RASGRP3: variants seen among roughly 807,000 people sequenced by gnomAD.
RASGRP3 encodes the protein ras guanyl-releasing protein 3.
In RASGRP3, 54 loss-of-function variants were observed where a neutral mutation model predicts 82.7. The observed-to-expected ratio is 0.65, with a 90% CI of 0.52 to 0.82. The LOEUF is 0.82. Among genes scored for constraint, RASGRP3 ranks in the 40% least tolerant of loss-of-function variants. RASGRP3 has a pLI of 0.00. For synonymous variants in RASGRP3, 309 were observed against 300.5 expected, an observed-to-expected ratio of 1.03 and a Z score of -0.29; for missense variants, 861 against 828.9, an observed-to-expected ratio of 1.04 and a Z score of -0.48.
chr2:33,466,444 C>T (rs1162978626), intron 2 of RASGRP3, among the ~76,000 whole-genome samples: 2 of 151,922 alleles, frequency 1.3e-5, no homozygotes, highest in Non-Finnish European at 2.9e-5. Flanking sequence ...CTTGGGAGGC[C>T]GAGGCGGACA....
chr2:33,562,875 T>G lies in RASGRP3; in HGVS notation c.*138T>G, dbSNP rs891759202. On this transcript the variant is annotated 3_prime_UTR_variant, in exon 18 of 18. Coordinates refer to ENST00000403687, the MANE Select transcript of RASGRP3 (RefSeq NM_001139488.2). ...TTTACTGCCTTGGGACACTGTGGGA[T>G]CTCCATGTTTGGACTATGGGACAGA... 1.7e-6 allele frequency: 2 copies of G among 1,154,130 alleles called. No homozygotes were observed. Among genetic ancestry groups the G allele is most frequent in the East Asian group, 2.5e-5 (1 of 40,058 alleles). The allele number at this position is 1,154,130 out of a possible 1,614,324, so 71.5% of individuals were successfully genotyped here.
Position 33,549,635 on chromosome 2 carries a change from G to A in RASGRP3, c.1426G>A (p.Ala476Thr), listed in dbSNP as rs1675179811. ...DGLISKDEMM[A>T]YFLRAKSQLH... ...CCTAATTAGTAAAGATGAAATGATG[G>A]CTTACTTCCTGAGAGCTAAATCCCA... The change falls in exon 14 of 18, where the codon GCT becomes ACT. Residue 476 changes from alanine to threonine, a missense_variant. Coordinates refer to ENST00000403687, the MANE Select transcript of RASGRP3 (RefSeq NM_001139488.2). 1 of 1,613,314 alleles carries A rather than the reference G, an allele frequency of 6.2e-7. No homozygotes were observed. Among genetic ancestry groups the A allele is most frequent in the Non-Finnish European group, 8.5e-7 (1 of 1,179,486 alleles).
intron 1 of RASGRP3, among the ~76,000 whole-genome samples, chr2:33,486,327 C>T (rs191685408): frequency 1.7e-4 from 26 of 152,066 alleles, no homozygotes; most frequent in African/African-American, 5.5e-4. Flanking sequence ...CCAAACCCAG[C>T]TAATTTTTGT....
At chr2:33,437,858 T>C (rs559892681) in intron 1 of RASGRP3, among the ~76,000 whole-genome samples, 2 of 152,258 alleles carry the variant, frequency 1.3e-5, no homozygotes, top group East Asian at 3.9e-4. Context: ...ATGAAATTAA[T>C]CTGAATAAAT....
chr2:33,438,001 C>T (rs1202854657), intron 1 of RASGRP3, among the ~76,000 whole-genome samples: 2 of 152,176 alleles, frequency 1.3e-5, no homozygotes, highest in Admixed American at 6.5e-5. Context: ...AATTAATTGC[C>T]ACGCCACATG....
At chr2:33,557,635 G>A (rs113141478) in intron 15 of RASGRP3, among the ~76,000 whole-genome samples, 19,091 of 151,740 alleles carry the variant, frequency 0.13, 1,288 homozygotes, top group African/African-American at 0.17. Context: ...GTGTGAACCC[G>A]GGAGGCGGAG....
intron 6 of RASGRP3, among the ~76,000 whole-genome samples, chr2:33,521,121 T>G (rs914066996): frequency 1.7e-4 from 26 of 152,188 alleles, no homozygotes; most frequent in Non-Finnish European, 3.7e-4. Context: ...AATTGGAATC[T>G]GCACTTTAAA....
chr2:33,521,866 G>A (rs1672066292), intron 6 of RASGRP3, 89 bp from the exon 7 acceptor site: 8 of 1,478,462 alleles, frequency 5.4e-6, no homozygotes, highest in Non-Finnish European at 7.2e-6. Flanking sequence ...CTGGAAGCAA[G>A]CCAAGAGTTG....
chr2:33,551,711 C>T (rs185349209), intron 14 of RASGRP3, among the ~76,000 whole-genome samples: 39 of 152,004 alleles, frequency 2.6e-4, no homozygotes, highest in African/African-American at 9.2e-4. Flanking sequence ...ATAAAAAACT[C>T]GGCCAGGCAC....
chr2:33,455,882 C>T (rs562003997), intron 2 of RASGRP3, among the ~76,000 whole-genome samples: 75 of 152,270 alleles, frequency 4.9e-4, no homozygotes, highest in African/African-American at 1.7e-3. Context: ...CAGAGGTTTG[C>T]CCCACCCTGC....
chr2:33,540,948 T>A lies in RASGRP3; in HGVS notation c.1278+1738T>A, dbSNP rs1178449815. Among the ~76,000 whole-genome samples the A allele has an allele frequency of 4.8e-5, 7 of 146,722 alleles. 1 individual carries two copies. The highest frequency in any genetic ancestry group is 1.1e-4 in the Non-Finnish European group (7 of 65,650). ...GATGGGCTCATTTTAGTCACATTTT[T>A]AATTAATTCATTCATTTATACCTTA... is the stretch of plus-strand genomic sequence containing the variant. On this transcript the variant is annotated intron_variant, in intron 12 of 17. Transcript: ENST00000403687.
At chr2:33,450,580 A>G (rs1272156387) in intron 2 of RASGRP3, among the ~76,000 whole-genome samples, 1 of 151,944 alleles carries the variant, frequency 6.6e-6, no homozygotes, top group Non-Finnish European at 1.5e-5. Flanking sequence ...GCTAAATAGC[A>G]CTCCATTGTA....
At chr2:33,470,006 T>C (rs2887087) in intron 2 of RASGRP3, among the ~76,000 whole-genome samples, 90,183 of 152,036 alleles carry the variant, frequency 0.59, 27,416 homozygotes, top group African/African-American at 0.64. Flanking sequence ...TTGGCACTAG[T>C]ACCAAACTTT....
intron 14 of RASGRP3, among the ~76,000 whole-genome samples, chr2:33,550,979 T>A (rs1366458385): frequency 6.6e-6 from 1 of 152,212 alleles, no homozygotes. Flanking sequence ...TCTTCTTTAG[T>A]ATCTCCACTG....
At chr2:33,444,897 T>C (rs1665423309) in intron 1 of RASGRP3, among the ~76,000 whole-genome samples, 1 of 152,222 alleles carries the variant, frequency 6.6e-6, no homozygotes, top group Non-Finnish European at 1.5e-5. Context: ...AGGAATAGAT[T>C]CAATTACACA....
intron 14 of RASGRP3, among the ~76,000 whole-genome samples, chr2:33,553,579 T>C (rs1264446317): frequency 6.6e-6 from 1 of 152,084 alleles, no homozygotes; most frequent in Non-Finnish European, 1.5e-5. Flanking sequence ...GCAAACTAGA[T>C]TATCATAAAG....
chr2:33,522,389 G>C (rs1016829792), intron 7 of RASGRP3, among the ~76,000 whole-genome samples: 1 of 152,346 alleles, frequency 6.6e-6, no homozygotes, highest in East Asian at 1.9e-4. Context: ...ATTCAAGGTT[G>C]ATTTAGCTCC....
chr2:33,445,961 G>T (rs1665477798), intron 1 of RASGRP3, among the ~76,000 whole-genome samples: 1 of 152,140 alleles, frequency 6.6e-6, no homozygotes, highest in African/African-American at 2.4e-5. Flanking sequence ...GAAGTAAATG[G>T]AATTCTTTTT....
At position 33,560,306 on chromosome 2, in the gene RASGRP3, C is replaced by T. The variant is rs562835173; in HGVS notation, c.2064+1276C>T. 4.8e-3 allele frequency among the ~76,000 whole-genome samples: 732 copies of T among 152,172 alleles called. 2 individuals carry two copies. Among genetic ancestry groups the T allele is most frequent in the Non-Finnish European group, 7.8e-3 (527 of 67,990 alleles). On this transcript the variant is annotated intron_variant, in intron 17 of 17. Transcript: ENST00000403687. ...AATGCCCACTTTATTTTTAACATTT[C>T]CCCCACTGATCATCTTGACAACTGT...
Sources: gnomAD v4.1 joint callset for allele counts (sites outside exome capture counted in the v4.1 genomes callset) on GRCh38, gnomAD v4.1.1 for gene constraint, MANE v1.5 for transcripts, NCBI Gene and HGNC (gene_info 2026-07-23, HGNC 2026-07-21) for gene names.